GPM6B: variants seen among roughly 807,000 people sequenced by gnomAD.
GPM6B encodes neuronal membrane glycoprotein M6-b.
In GPM6B, 4 loss-of-function variants were observed where a neutral mutation model predicts 27.2. The ratio of observed to expected loss-of-function variants is 0.15; its 90% confidence interval spans 0.07 to 0.34. The LOEUF (loss-of-function observed/expected upper bound fraction) is 0.34, where lower values mean the gene tolerates loss of function less well. Ranked by LOEUF, GPM6B falls within the 10% of genes least tolerant of loss-of-function variation. The pLI, the probability that GPM6B is intolerant of heterozygous loss-of-function variation, is 1.00. For synonymous variants in GPM6B, 124 were observed against 103.1 expected, an observed-to-expected ratio of 1.20 and a Z score of -1.23; for missense variants, 183 against 261.9, an observed-to-expected ratio of 0.70 and a Z score of 2.08.
At chrX:13,796,126 T>C (rs1161584255) in intron 2 of GPM6B, among the ~76,000 whole-genome samples, 2 of 111,431 alleles carry the variant, frequency 1.8e-5, no homozygotes, top group Non-Finnish European at 3.8e-5. Context: ...GGTTTCTCCA[T>C]GTTGGTCAGG....
In GPM6B at chrX:13,785,671, C is replaced by G. The variant is rs959452544; in HGVS notation, c.319G>C (p.Glu107Gln). Residue 107 changes from glutamate (E) to glutamine (Q), a missense_variant, in exon 3 of 8, where the codon GAG (glutamate) becomes CAG (glutamine). Coordinates refer to ENST00000316715, the MANE Select transcript of GPM6B (RefSeq NM_001001995.3). Reference protein sequence around the residue: ...VALAGTVAILEQHFSTNASDH... With the variant: ...VALAGTVAILQQHFSTNASDH... Reference sequence around the variant, plus strand: ...CTGGCGTTGGTGGAGAAGTGTTGCTCAAGAATCGCCACGGTGCCTGCGAGA... The same window carrying G: ...CTGGCGTTGGTGGAGAAGTGTTGCTGAAGAATCGCCACGGTGCCTGCGAGA... 6 of 1,210,053 alleles carry G rather than the reference C, an allele frequency of 5.0e-6. No homozygotes were observed. The African/African-American group carries it at 8.7e-5, about 18-fold the overall frequency.
At chrX:13,881,017 C>G (rs185750740) in intron 1 of GPM6B, among the ~76,000 whole-genome samples, 2 of 111,756 alleles carry the variant, frequency 1.8e-5, no homozygotes, top group South Asian at 3.8e-4. Context: ...TTAACCTGTT[C>G]TAGAGACTCT....
chrX:13,840,899 C>T (rs1011123490), intron 1 of GPM6B, among the ~76,000 whole-genome samples: 1 of 111,353 alleles, frequency 9.0e-6, no homozygotes, highest in Non-Finnish European at 1.9e-5. Context: ...AAGGAGGTGT[C>T]GGATAGGGAC....
chrX:13,899,841 T>A (rs1244174103), intron 1 of GPM6B, among the ~76,000 whole-genome samples: 1 of 112,068 alleles, frequency 8.9e-6, no homozygotes, highest in Non-Finnish European at 1.9e-5. Context: ...TTGGAAGGCA[T>A]CCAACAGGAC....
intron 1 of GPM6B, among the ~76,000 whole-genome samples, chrX:13,849,102 G>A (rs1042732999): frequency 1.2e-4 from 14 of 112,043 alleles, no homozygotes; most frequent in Non-Finnish European, 2.6e-4. Context: ...TTTACTGAGT[G>A]ATGGAAATAC....
intron 2 of GPM6B, among the ~76,000 whole-genome samples, chrX:13,804,597 AAAAG>A (rs1381351514): frequency 2.2e-4 from 24 of 111,050 alleles, no homozygotes; most frequent in South Asian, 3.8e-4. Flanking sequence ...AGTAGCAAGA[AAAAG>A]AAAACCATGA....
intron 1 of GPM6B, among the ~76,000 whole-genome samples, chrX:13,872,355 A>AT (rs1335845067): frequency 9.2e-6 from 1 of 109,110 alleles, no homozygotes; most frequent in Non-Finnish European, 1.9e-5. Flanking sequence ...TTTTTTGTAG[A>AT]TACGGGGTTT....
intron 1 of GPM6B, among the ~76,000 whole-genome samples, chrX:13,851,484 A>T (rs1187864588): frequency 9.0e-6 from 1 of 111,540 alleles, no homozygotes. Flanking sequence ...AGCTATCATC[A>T]TTACTCATAT....
At chrX:13,792,437 A>C (rs2048730189) in intron 2 of GPM6B, among the ~76,000 whole-genome samples, 1 of 111,461 alleles carries the variant, frequency 9.0e-6, no homozygotes, top group African/African-American at 3.3e-5. Flanking sequence ...AGGGACATTT[A>C]GCGGTGTCTG....
chrX:13,859,044 A>C (rs779769580), intron 1 of GPM6B, among the ~76,000 whole-genome samples: 1 of 112,717 alleles, frequency 8.9e-6, no homozygotes, highest in Non-Finnish European at 1.9e-5. Context: ...AGAAAGTCTA[A>C]TGTTATACAA....
At chrX:13,804,272 A>G (rs936473390) in intron 2 of GPM6B, among the ~76,000 whole-genome samples, 2 of 111,281 alleles carry the variant, frequency 1.8e-5, no homozygotes, top group Non-Finnish European at 3.8e-5. Context: ...AACACAATCT[A>G]CAACAGTCTG....
Position 13,772,950 on chromosome X carries a change from T to C in GPM6B, c.918A>G (p.Lys306=). 1 of 1,209,227 alleles carries C rather than the reference T, an allele frequency of 8.3e-7. No homozygotes were observed. The highest frequency in any genetic ancestry group is 1.7e-5 in the African/African-American group (1 of 57,812). The change falls in exon 8 of 8, where the codon AAA becomes AAG. Residue 306 remains lysine (K), a synonymous_variant. Coordinates refer to ENST00000316715, the MANE Select transcript of GPM6B (RefSeq NM_001001995.3). ...ASKMQAYQDI[K]AKEEQELQDI... ...CTTGCAGTTCCTGTTCTTCCTTTGC[T>C]TTGATATCCTGGTAAGCCTGCATTT...
intron 1 of GPM6B, among the ~76,000 whole-genome samples, chrX:13,894,995 G>A (rs1239495441): frequency 3.6e-5 from 4 of 111,720 alleles, no homozygotes; most frequent in African/African-American, 6.5e-5. Context: ...GAAACATTAC[G>A]ACATCATTTT....
At position 13,790,882 on chromosome X, in the gene GPM6B, A is replaced by C. The variant is rs72614514; in HGVS notation, c.182-5074T>G. Among the ~76,000 whole-genome samples the C allele has an allele frequency of 4.6e-3, 272 of 59,508 alleles. 9 individuals are homozygous for C. The East Asian group carries it at 0.19, about 41-fold the overall frequency. The allele number at this position is 59,508 out of a possible 115,157, so 51.7% of individuals were successfully genotyped here. ...ATTTCTAAACACACACACTCCAACCACCCCCTAAAGTGCTGGGAGTGCCTG... is the reference window on the plus strand; with the variant it reads ...ATTTCTAAACACACACACTCCAACCCCCCCCTAAAGTGCTGGGAGTGCCTG... On this transcript the variant is annotated intron_variant, in intron 2 of 7. Transcript: ENST00000316715.
chrX:13,922,992 A>C (rs1921006586), intron 1 of GPM6B, among the ~76,000 whole-genome samples: 1 of 111,781 alleles, frequency 8.9e-6, no homozygotes, highest in Admixed American at 9.5e-5. Context: ...CCTGGCTAAC[A>C]CAGTGAAACC....
At chrX:13,807,556 A>G (rs745451856) in intron 2 of GPM6B, 94 bp downstream of exon 2, 1 of 740,621 alleles carries the variant, frequency 1.4e-6, no homozygotes, top group Non-Finnish European at 1.9e-6. Context: ...ACCAAGCAAA[A>G]CATAAAATAT....
At chrX:13,830,350 G>A (rs757729557) in intron 1 of GPM6B, among the ~76,000 whole-genome samples, 30 of 112,035 alleles carry the variant, frequency 2.7e-4, no homozygotes, top group Non-Finnish European at 1.9e-4. Flanking sequence ...GAATGACCAA[G>A]GAACCTGACC....
chrX:13,887,665 T>C (rs777958282), intron 1 of GPM6B, among the ~76,000 whole-genome samples: 1 of 111,965 alleles, frequency 8.9e-6, no homozygotes, highest in East Asian at 2.8e-4. Flanking sequence ...GTATTCAAAA[T>C]ACAGCCATTT....
At chrX:13,930,631 C>G (rs565622606) in intron 1 of GPM6B, among the ~76,000 whole-genome samples, 1 of 108,285 alleles carries the variant, frequency 9.2e-6, no homozygotes, top group Non-Finnish European at 1.9e-5. Flanking sequence ...AAAAAAGAAA[C>G]GAACAAGGGA....
Sources: gnomAD v4.1 joint callset for allele counts (sites outside exome capture counted in the v4.1 genomes callset) on GRCh38, gnomAD v4.1.1 for gene constraint, MANE v1.5 for transcripts, NCBI Gene and HGNC (gene_info 2026-07-23, HGNC 2026-07-21) for gene names.